The following TCERG1L variants were observed in gnomAD, a reference collection of about 807,000 sequenced individuals.
The protein encoded by TCERG1L is transcription elongation regulator 1 like, also known as transcription elongation regulator 1-like protein.
Under a neutral mutation model 56.3 loss-of-function variants are expected in TCERG1L, and 37 were observed. That is an observed-to-expected ratio of 0.66 (90% CI 0.51 to 0.87). The LOEUF (loss-of-function observed/expected upper bound fraction) is 0.87. TCERG1L is among the 40% of genes least tolerant of loss of function. TCERG1L has a pLI of 0.00. For missense variants in TCERG1L, 799 were observed against 774.2 expected (o/e 1.03, Z -0.38); for synonymous variants, 324 against 326.3 (o/e 0.99, Z 0.08).
intron 4 of TCERG1L, among the ~76,000 whole-genome samples, chr10:131,195,410 G>C (rs1845348707): frequency 6.6e-6 from 1 of 152,206 alleles, no homozygotes; most frequent in African/African-American, 2.4e-5. Context: ...CACGACTGTG[G>C]CACCAGACGG....
chr10:131,226,900 GA>G (rs1845795607), intron 4 of TCERG1L, among the ~76,000 whole-genome samples: 1 of 149,116 alleles, frequency 6.7e-6, no homozygotes, highest in African/African-American at 2.6e-5. Flanking sequence ...CACAGAAGCA[GA>G]AAGAGAAGCA....
chr10:131,226,271 G>A (rs1390744432), intron 4 of TCERG1L, among the ~76,000 whole-genome samples: 1 of 152,112 alleles, frequency 6.6e-6, no homozygotes, highest in African/African-American at 2.4e-5. Context: ...GAGACGAAGT[G>A]TCACTAGGTT....
At chr10:131,105,278 G>A (rs536364536) in intron 9 of TCERG1L, among the ~76,000 whole-genome samples, 49 of 152,374 alleles carry the variant, frequency 3.2e-4, no homozygotes, top group African/African-American at 1.1e-3. Flanking sequence ...TTCACTGACA[G>A]TGGTGGCCGT....
chr10:131,210,725 CCTT>C (rs751451041), intron 4 of TCERG1L, among the ~76,000 whole-genome samples: 3 of 152,162 alleles, frequency 2.0e-5, no homozygotes, highest in Non-Finnish European at 2.9e-5. Flanking sequence ...TCCTCCTCCT[CCTT>C]ATTCCTTCTT....
At chr10:131,306,292 C>G (rs1490288606) in intron 3 of TCERG1L, among the ~76,000 whole-genome samples, 2 of 151,968 alleles carry the variant, frequency 1.3e-5, no homozygotes, top group South Asian at 2.1e-4. Flanking sequence ...TTTCATGAAG[C>G]AACTCAGAAA....
At chr10:131,170,294 G>T (rs1315552129) in intron 4 of TCERG1L, among the ~76,000 whole-genome samples, 1 of 152,060 alleles carries the variant, frequency 6.6e-6, no homozygotes, top group Non-Finnish European at 1.5e-5. Context: ...AGTACTCTTT[G>T]CTTTGGGCCT....
intron 8 of TCERG1L, among the ~76,000 whole-genome samples, chr10:131,127,725 G>A (rs1175107143): frequency 6.6e-6 from 1 of 152,112 alleles, no homozygotes. Flanking sequence ...CCACAGACCT[G>A]GAGACAGGTC....
intron 4 of TCERG1L, among the ~76,000 whole-genome samples, chr10:131,170,876 C>T (rs1239277489): frequency 1.3e-5 from 2 of 152,090 alleles, no homozygotes; most frequent in Non-Finnish European, 2.9e-5. Context: ...GGCCGGGCGC[C>T]GTGGCTCACA....
chr10:131,169,599 CT>C (rs1281226216), intron 4 of TCERG1L, among the ~76,000 whole-genome samples: 1 of 152,188 alleles, frequency 6.6e-6, no homozygotes, highest in South Asian at 2.1e-4. Context: ...TAAATTTTAT[CT>C]AAAGTACAGC....
At chr10:131,099,498 C>A (rs1352185292) in intron 10 of TCERG1L, among the ~76,000 whole-genome samples, 1 of 152,176 alleles carries the variant, frequency 6.6e-6, no homozygotes, top group East Asian at 1.9e-4. Context: ...TCCTATCAGG[C>A]CAATAAATAG....
intron 3 of TCERG1L, among the ~76,000 whole-genome samples, chr10:131,272,272 C>G (rs983797781): frequency 1.2e-4 from 18 of 152,228 alleles, no homozygotes; most frequent in Admixed American, 9.2e-4. Flanking sequence ...CAGGTGTTTG[C>G]ATATCTGACT....
At chr10:131,165,705 A>T (rs1390505177) in intron 5 of TCERG1L, among the ~76,000 whole-genome samples, 1 of 152,322 alleles carries the variant, frequency 6.6e-6, no homozygotes, top group East Asian at 1.9e-4. Context: ...TTATTCAAGC[A>T]AATAGAGTAG....
intron 3 of TCERG1L, among the ~76,000 whole-genome samples, chr10:131,292,734 T>G (rs1431203242): frequency 6.6e-6 from 1 of 152,182 alleles, no homozygotes; most frequent in Non-Finnish European, 1.5e-5. Flanking sequence ...CAAAATCGTT[T>G]ATCTAATTAC....
rs1846263144 is a variant in TCERG1L, at chr10:131,264,226, T to C, written c.671-3782A>G. On this transcript the variant is annotated intron_variant, in intron 3 of 11. Coordinates refer to ENST00000368642, the MANE Select transcript of TCERG1L (RefSeq NM_174937.4). ...TGACTCTCATCCCTGAAGCTCCTCC[T>C]ACCCAGCAGAGAGGGACTGGGGCAA... Among the ~76,000 whole-genome samples the C allele has an allele frequency of 4.6e-5, 7 of 152,038 alleles. No homozygotes were observed. In the South Asian group the frequency reaches 1.5e-3, roughly 32 times the overall value.
chr10:131,093,345 A>G, intron 11 of TCERG1L, 27 bp from the exon 12 acceptor site: 1 of 1,610,652 alleles, frequency 6.2e-7, no homozygotes, highest in Non-Finnish European at 8.5e-7. Context: ...TTCCTGAGAC[A>G]CCTTCCAGAG....
intron 8 of TCERG1L, among the ~76,000 whole-genome samples, chr10:131,119,940 G>C (rs1845496973): frequency 6.6e-6 from 1 of 152,124 alleles, no homozygotes; most frequent in African/African-American, 2.4e-5. Flanking sequence ...GGTTGAAAGG[G>C]GCCTGGTCTT....
At chr10:131,170,838 C>T (rs1396541012) in intron 4 of TCERG1L, among the ~76,000 whole-genome samples, 4 of 152,196 alleles carry the variant, frequency 2.6e-5, no homozygotes, top group East Asian at 1.9e-4. Flanking sequence ...AACCGGGCAA[C>T]AAAATATCTC....
chr10:131,162,791 G>T, intron 6 of TCERG1L: 1 of 209,872 alleles, frequency 4.8e-6, no homozygotes, highest in Non-Finnish European at 9.4e-6. Flanking sequence ...GATTCTTCTT[G>T]GAGTGGAGGG....
chr10:131,311,171 G>T lies in TCERG1L; in HGVS notation c.342+123C>A. 1.3e-6 allele frequency: 1 copy of T among 750,176 alleles called. No individual in the cohort carries two copies. The highest frequency in any genetic ancestry group is 1.8e-6 in the Non-Finnish European group (1 of 568,854). The allele number at this position is 750,176 out of a possible 1,614,324, so 46.5% of individuals were successfully genotyped here. On this transcript the variant is annotated intron_variant, in intron 1 of 11. Transcript: ENST00000368642. This position sits in a 1 kb window ranked among gnomAD's most constrained non-coding sequence, Gnocchi z 4.0. ...CTGCCGGGCTCCGTCCTGAGGGTTT[G>T]GGGCGGCGAGGACCGCCGGGGAGGA...
Sources: allele counts gnomAD v4.1 joint callset (sites outside exome capture counted in the v4.1 genomes callset), GRCh38; gene constraint gnomAD v4.1.1; non-coding constraint Gnocchi (gnomAD v3.1); transcripts MANE v1.5; gene names NCBI Gene and HGNC (gene_info 2026-07-23, HGNC 2026-07-21).